Variants in BBS9 observed in about 807,000 individuals in gnomAD.
BBS9 encodes the protein protein PTHB1.
A neutral mutation model predicts 117.7 loss-of-function variants in BBS9; 89 were observed. The ratio of observed to expected loss-of-function variants is 0.76; its 90% CI spans 0.64 to 0.90. BBS9 has a LOEUF of 0.90. Among genes scored for constraint, BBS9 ranks in the 40% least tolerant of loss-of-function variants. BBS9 has a pLI of 0.00. For missense variants in BBS9, 982 were observed against 1,042.2 expected (o/e 0.94, Z 0.80); for synonymous variants, 379 against 370.9 (o/e 1.02, Z -0.25).
intron 20 of BBS9, among the ~76,000 whole-genome samples, chr7:33,532,815 G>C (rs1850788344): frequency 6.6e-6 from 1 of 152,172 alleles, no homozygotes; most frequent in Non-Finnish European, 1.5e-5. Context: ...TTCTCTCTGA[G>C]TCTCAGGGCT....
intron 1 of BBS9, 47 bp from the exon 2 acceptor site, chr7:33,146,195 A>G (rs1251363434): frequency 5.5e-6 from 7 of 1,274,584 alleles, no homozygotes; most frequent in African/African-American, 3.0e-5. Context: ...AGACATAATT[A>G]TTAGTTCATA....
chr7:33,219,937 G>T (rs1041262075), intron 5 of BBS9, among the ~76,000 whole-genome samples: 3 of 152,162 alleles, frequency 2.0e-5, no homozygotes, highest in African/African-American at 7.2e-5. Flanking sequence ...GCGAAGTTCT[G>T]CAGCTTCACT....
At chr7:33,412,881 C>T (rs1831383108) in intron 19 of BBS9, among the ~76,000 whole-genome samples, 1 of 152,142 alleles carries the variant, frequency 6.6e-6, no homozygotes, top group Non-Finnish European at 1.5e-5. Flanking sequence ...TCAAATTTTG[C>T]TTTCTAGCTT....
In BBS9 at chr7:33,188,677, A is replaced by G. The variant is rs868302000; in HGVS notation, c.442+11086A>G. ...GGACTTGAGAGTTCAGAGGTTAAGC[A>G]GCTGGAGTATTGGAAAGAAAATGTT... On this transcript the variant is annotated intron_variant, in intron 5 of 22. Transcript: ENST00000242067. 5.3e-5 allele frequency among the ~76,000 whole-genome samples: 8 copies of G among 152,364 alleles called. No homozygotes were observed. The South Asian group carries it at 6.2e-4, about 12-fold the overall frequency.
At position 33,134,215 on chromosome 7, in the gene BBS9, ATTTTTT is replaced by A. The variant is rs59609414; in HGVS notation, c.-12+4190_-12+4195del. ...CAGGCACCTGCCATCACGCCTGGCTATTTTTTTTTTTTTTTTTTTTTGTATTTTTAG... is the reference window on the plus strand; with the variant it reads ...CAGGCACCTGCCATCACGCCTGGCTATTTTTTTTTTTTTTTGTATTTTTAG... On this transcript the variant is annotated intron_variant, in intron 1 of 22. Coordinates refer to ENST00000242067, the MANE Select transcript of BBS9 (RefSeq NM_198428.3). Among the ~76,000 whole-genome samples, 609 of 118,058 alleles carry A rather than the reference ATTTTTT, an allele frequency of 5.2e-3. 2 individuals are homozygous for A. Among genetic ancestry groups the A allele is most frequent in the Admixed American group, 0.01 (116 of 11,324 alleles). The allele number at this position is 118,058 out of a possible 152,430, so 77.5% of individuals were successfully genotyped here.
Position 33,175,133 on chromosome 7 carries a change from G to C in BBS9, c.329-2345G>C, listed in dbSNP as rs1397085887. 2.0e-5 allele frequency among the ~76,000 whole-genome samples: 3 copies of C among 152,044 alleles called. 1 individual carries two copies. Among genetic ancestry groups the C allele is most frequent in the African/African-American group, 7.2e-5 (3 of 41,390 alleles). On this transcript the variant is annotated intron_variant, in intron 4 of 22. Coordinates refer to ENST00000242067, the MANE Select transcript of BBS9 (RefSeq NM_198428.3). ...AGCCTGGCCAACATGGTGAAACCCT[G>C]TCTGTACTAAAAATACAAAAATTAG...
intron 1 of BBS9, among the ~76,000 whole-genome samples, chr7:33,132,460 T>C (rs1789770677): frequency 6.6e-6 from 1 of 152,204 alleles, no homozygotes; most frequent in Non-Finnish European, 1.5e-5. Context: ...AAAACCTGGT[T>C]TTTATTTTCC....
intron 4 of BBS9, among the ~76,000 whole-genome samples, chr7:33,168,841 G>C (rs530104801): frequency 6.6e-6 from 1 of 151,892 alleles, no homozygotes; most frequent in Non-Finnish European, 1.5e-5. Flanking sequence ...TTAAGTTTTA[G>C]GGTACATGTG....
chr7:33,196,747 C>T (rs1444778036), intron 5 of BBS9, among the ~76,000 whole-genome samples: 1 of 152,120 alleles, frequency 6.6e-6, no homozygotes, highest in Admixed American at 6.5e-5. Flanking sequence ...AGTGAGAAGT[C>T]GGAAGATCAA....
At chr7:33,457,168 G>A (rs1468688054) in intron 19 of BBS9, among the ~76,000 whole-genome samples, 1 of 152,148 alleles carries the variant, frequency 6.6e-6, no homozygotes, top group East Asian at 1.9e-4. Flanking sequence ...TGTTTACACC[G>A]AGGGTCATCT....
chr7:33,594,949 G>A (rs999829158), intron 21 of BBS9, among the ~76,000 whole-genome samples: 1 of 151,976 alleles, frequency 6.6e-6, no homozygotes, highest in Non-Finnish European at 1.5e-5. Flanking sequence ...AACAAGCAAT[G>A]GGGAAAGGAT....
chr7:33,518,408 G>A (rs1025117160), intron 20 of BBS9, among the ~76,000 whole-genome samples: 24 of 151,720 alleles, frequency 1.6e-4, no homozygotes, highest in African/African-American at 4.6e-4. Context: ...GCGCCACTAC[G>A]CCCAGCTAAT....
At chr7:33,238,533 A>G (rs190804075) in intron 5 of BBS9, among the ~76,000 whole-genome samples, 67 of 152,274 alleles carry the variant, frequency 4.4e-4, no homozygotes, top group Admixed American at 2.8e-3. Context: ...ACCTCAGGTT[A>G]TCTGCCCGCT....
At chr7:33,218,729 C>T (rs1789553191) in intron 5 of BBS9, among the ~76,000 whole-genome samples, 1 of 152,262 alleles carries the variant, frequency 6.6e-6, no homozygotes, top group Non-Finnish European at 1.5e-5. Flanking sequence ...ATGTCAATTT[C>T]TGTCACACAT....
At chr7:33,237,505 C>T (rs1033103399) in intron 5 of BBS9, among the ~76,000 whole-genome samples, 1 of 152,140 alleles carries the variant, frequency 6.6e-6, no homozygotes, top group African/African-American at 2.4e-5. Flanking sequence ...CTGTGACATA[C>T]ATTTTAGCAT....
intron 9 of BBS9, among the ~76,000 whole-genome samples, chr7:33,277,467 C>A (rs1162572721): frequency 6.6e-6 from 1 of 152,088 alleles, no homozygotes; most frequent in Non-Finnish European, 1.5e-5. Context: ...ATACTGTAAC[C>A]CCAGACAGGT....
At chr7:33,350,643 C>G (rs955902533) in intron 13 of BBS9, among the ~76,000 whole-genome samples, 1 of 152,176 alleles carries the variant, frequency 6.6e-6, no homozygotes, top group Non-Finnish European at 1.5e-5. Context: ...GTCTGTTCCT[C>G]GAAGTAAAGA....
intron 19 of BBS9, among the ~76,000 whole-genome samples, chr7:33,466,416 G>A (rs1277529681): frequency 1.4e-5 from 2 of 145,716 alleles, no homozygotes; most frequent in Middle Eastern, 3.3e-3. Context: ...GGGCCCGCCC[G>A]GTTTATTTCA....
intron 21 of BBS9, among the ~76,000 whole-genome samples, chr7:33,560,492 A>C (rs757474881): frequency 1.7e-4 from 26 of 152,200 alleles, no homozygotes; most frequent in Non-Finnish European, 3.2e-4. Flanking sequence ...AAGATTAGCC[A>C]CACCTGGGTA....
Sources: gnomAD v4.1 joint callset for allele counts (sites outside exome capture counted in the v4.1 genomes callset) on GRCh38, gnomAD v4.1.1 for gene constraint, MANE v1.5 for transcripts, NCBI Gene and HGNC (gene_info 2026-07-23, HGNC 2026-07-21) for gene names.